TOP3A: variants seen among roughly 807,000 people sequenced by gnomAD.
TOP3A encodes DNA topoisomerase 3-alpha.
A neutral mutation model predicts 111.3 loss-of-function variants in TOP3A; 64 were observed. The observed-to-expected ratio is 0.57, with a 90% CI of 0.47 to 0.71. The LOEUF is 0.71. TOP3A is among the 30% of genes least tolerant of loss of function. The pLI, the probability that TOP3A is intolerant of heterozygous loss-of-function variation, is 0.00. For synonymous variants in TOP3A, 484 were observed against 485.1 expected, an observed-to-expected ratio of 1.00 and a Z score of 0.03; for missense variants, 1,104 against 1,285.0, an observed-to-expected ratio of 0.86 and a Z score of 2.15.
intron 15 of TOP3A, among the ~76,000 whole-genome samples, chr17:18,283,128 C>T (rs1056893295): frequency 1.3e-5 from 2 of 152,154 alleles, no homozygotes; most frequent in African/African-American, 4.8e-5. Context: ...CGCCTGTAAT[C>T]CCAGGCCGAG....
intron 13 of TOP3A, among the ~76,000 whole-genome samples, chr17:18,289,240 C>T (rs1980315765): frequency 6.6e-6 from 1 of 152,170 alleles, no homozygotes; most frequent in South Asian, 2.1e-4. Context: ...GTCTCGAACT[C>T]CTGACCTTAG....
rs1168769907 is a variant in TOP3A, at chr17:18,274,023, G to C, written c.*779C>G. 2 of 151,952 alleles carry C rather than the reference G, an allele frequency of 1.3e-5. No homozygotes were observed. The highest frequency in any genetic ancestry group is 4.8e-5 in the African/African-American group (2 of 41,340). The allele number at this position is 151,952 out of a possible 1,614,324, so 9.4% of individuals were successfully genotyped here. ...GCAATCTCAGCTAACTGCAACCTCCGCCTCCCGGGTTCAAGCAATTCTCCT... is the reference window on the plus strand; with the variant it reads ...GCAATCTCAGCTAACTGCAACCTCCCCCTCCCGGGTTCAAGCAATTCTCCT... On this transcript the variant is annotated 3_prime_UTR_variant, in exon 19 of 19. Coordinates refer to ENST00000321105, the MANE Select transcript of TOP3A (RefSeq NM_004618.5).
chr17:18,295,801 C>A (rs1980764528), intron 9 of TOP3A, among the ~76,000 whole-genome samples: 2 of 143,334 alleles, frequency 1.4e-5, no homozygotes, highest in Admixed American at 1.4e-4. Context: ...GAGTCTTGCT[C>A]TGTCATCCAG....
intron 16 of TOP3A, 150 bp downstream of exon 16, chr17:18,282,548 A>G (rs1979822444): frequency 9.3e-7 from 1 of 1,079,242 alleles, no homozygotes; most frequent in Non-Finnish European, 1.4e-6. Flanking sequence ...CCACCCTGCT[A>G]TGCTTTTAGG....
chr17:18,297,515 T>C (rs139913980), intron 9 of TOP3A, among the ~76,000 whole-genome samples: 6,135 of 128,614 alleles, frequency 0.048, 345 homozygotes, highest in African/African-American at 0.17. Context: ...AGCTGGACGG[T>C]ACTGCTGCCT....
rs1567751418 is a variant in TOP3A, at chr17:18,306,698, T to TTA, written c.390+192_390+193insTA. 6 of 520,522 alleles carry TTA rather than the reference T, an allele frequency of 1.2e-5. No individual in the cohort carries two copies. In the Admixed American group the frequency reaches 1.4e-4, roughly 12 times the overall value. The allele number at this position is 520,522 out of a possible 1,614,324, so 32.2% of individuals were successfully genotyped here. ...CTAGGATTTAAACAACTACCATTCA[T>TTA]AAAAAAAGTTTACTTCAGTCCCTTG... is the stretch of plus-strand genomic sequence containing the variant. On this transcript the variant is annotated intron_variant, in intron 4 of 18. Transcript: ENST00000321105.
At chr17:18,307,854 G>A (rs185427438) in intron 3 of TOP3A, among the ~76,000 whole-genome samples, 89 of 146,750 alleles carry the variant, frequency 6.1e-4, no homozygotes, top group African/African-American at 2.0e-3. Context: ...AGGTTGCAGT[G>A]AGACGAGATT....
In TOP3A at chr17:18,292,821, T is replaced by C; in HGVS notation, c.1105A>G (p.Ile369Val). 1 of 1,613,758 alleles carries C rather than the reference T, an allele frequency of 6.2e-7. No homozygotes were observed. The highest frequency in any genetic ancestry group is 8.5e-7 in the Non-Finnish European group (1 of 1,179,866). Residue 369 changes from isoleucine to valine, a missense_variant, in exon 11 of 19, where the codon ATT becomes GTT. Transcript: ENST00000321105. The stretch of plus-strand genomic sequence containing the variant: ...GTCAGGTTTAAGTCTCTGGGAAAAA[T>C]GTTTGTTTCTGTTCGGGGATAGCTG... ...YISYPRTETN[I>V]FPRDLNLTVL...
intron 1 of TOP3A, among the ~76,000 whole-genome samples, chr17:18,310,612 G>A (rs1349888203): frequency 6.6e-6 from 1 of 152,128 alleles, no homozygotes; most frequent in Non-Finnish European, 1.5e-5. Flanking sequence ...GTTGTGAGGG[G>A]CTGAGGAGAG....
chr17:18,277,720 G>T lies in TOP3A; in HGVS notation c.2782C>A (p.Gln928Lys). 2.5e-6 allele frequency: 4 copies of T among 1,613,660 alleles called. No homozygotes were observed. The highest frequency in any genetic ancestry group is 3.4e-6 in the Non-Finnish European group (4 of 1,179,610). ...QFHTCAKPRE[Q>K]QCGFFQWVDE... ...ACCCACTGGAAAAAGCCACACTGCTGCTCTCTCGGCTTGGCACATGTGTGG... is the reference window on the plus strand; with the variant it reads ...ACCCACTGGAAAAAGCCACACTGCTTCTCTCTCGGCTTGGCACATGTGTGG... Residue 928 changes from glutamine to lysine, a missense_variant, in exon 18 of 19, where the codon CAG becomes AAG. Transcript: ENST00000321105.
intron 15 of TOP3A, among the ~76,000 whole-genome samples, chr17:18,284,759 A>G (rs571519127): frequency 6.6e-6 from 1 of 152,294 alleles, no homozygotes; most frequent in Non-Finnish European, 1.5e-5. Flanking sequence ...CAAGATAATT[A>G]ATGTGTCATG....
chr17:18,294,368 T>C (rs1345877152), intron 10 of TOP3A, among the ~76,000 whole-genome samples: 1 of 151,898 alleles, frequency 6.6e-6, no homozygotes, highest in Non-Finnish European at 1.5e-5. Flanking sequence ...TCTCACTCAC[T>C]CACCAGGCTG....
In TOP3A at chr17:18,301,266, G is replaced by A. The variant is rs541603302; in HGVS notation, c.915+619C>T. Reference sequence around the variant, plus strand: ...CAGCCCAAGGGCCAGGAAACATTAGGGTGGGTCCCAACTCTGCCACCAACT... The same window carrying A: ...CAGCCCAAGGGCCAGGAAACATTAGAGTGGGTCCCAACTCTGCCACCAACT... On this transcript the variant is annotated intron_variant, in intron 8 of 18. Transcript: ENST00000321105. 8.9e-4 allele frequency among the ~76,000 whole-genome samples: 135 copies of A among 152,246 alleles called. 1 individual carries two copies. The highest frequency in any genetic ancestry group is 3.4e-3 in the Middle Eastern group (1 of 294).
At chr17:18,299,714 C>T in intron 8 of TOP3A, 81 bp from the exon 9 acceptor site, 1 of 1,332,346 alleles carries the variant, frequency 7.5e-7, no homozygotes, top group East Asian at 2.3e-5. Context: ...CCATGCCAAT[C>T]CTTCTAGATC....
chr17:18,314,683 G>T lies in TOP3A; in HGVS notation c.96C>A (p.Gly32=). The change falls in exon 1 of 19, where the codon GGC becomes GGA. Residue 32 remains glycine (G), a synonymous_variant. Coordinates refer to ENST00000321105, the MANE Select transcript of TOP3A (RefSeq NM_004618.5). The part of the protein sequence containing the change: ...SRAAMEMALR[G]VRKVLCVAEK... ...CGGCCACACAGAGGACTTTCCGCACGCCTCGGAGGGCCATCTCCATGGCGG... is the reference window on the plus strand; with the variant it reads ...CGGCCACACAGAGGACTTTCCGCACTCCTCGGAGGGCCATCTCCATGGCGG... The T allele has an allele frequency of 6.2e-7, 1 of 1,612,636 alleles. No homozygotes were observed. The highest frequency in any genetic ancestry group is 8.5e-7 in the Non-Finnish European group (1 of 1,179,402).
intron 6 of TOP3A, 62 bp downstream of exon 6, chr17:18,302,518 C>T: frequency 6.3e-7 from 1 of 1,597,658 alleles, no homozygotes; most frequent in Admixed American, 1.7e-5. Context: ...ACACAGAGCC[C>T]ATTTTTGGTC....
intron 10 of TOP3A, among the ~76,000 whole-genome samples, chr17:18,294,405 C>T (rs574376343): frequency 6.6e-6 from 1 of 152,166 alleles, no homozygotes; most frequent in South Asian, 2.1e-4. Flanking sequence ...TCTCACCTCA[C>T]TGCAACCTCC....
chr17:18,309,441 G>A (rs1396234549), intron 1 of TOP3A, among the ~76,000 whole-genome samples: 2 of 151,960 alleles, frequency 1.3e-5, no homozygotes, highest in Non-Finnish European at 1.5e-5. Flanking sequence ...TCAGGAGTCC[G>A]AGACCAGCCT....
intron 18 of TOP3A, among the ~76,000 whole-genome samples, chr17:18,277,158 T>C (rs1307752664): frequency 2.4e-5 from 3 of 125,268 alleles, no homozygotes; most frequent in Non-Finnish European, 4.7e-5. Flanking sequence ...CACTCCAGTC[T>C]GGGCAACAAG....
Sources: allele counts gnomAD v4.1 joint callset (sites outside exome capture counted in the v4.1 genomes callset), GRCh38; gene constraint gnomAD v4.1.1; transcripts MANE v1.5; gene names NCBI Gene and HGNC (gene_info 2026-07-23, HGNC 2026-07-21).